SPINT1: variants seen among roughly 807,000 people sequenced by gnomAD.
SPINT1 encodes the protein kunitz-type protease inhibitor 1.
SPINT1 carries 38 observed loss-of-function variants against 53.7 expected under a neutral mutation model. The ratio of observed to expected loss-of-function variants is 0.71; its 90% CI spans 0.55 to 0.93. The LOEUF (loss-of-function observed/expected upper bound fraction) is 0.93, where lower values mean the gene tolerates loss of function less well. SPINT1 is among the 40% of genes least tolerant of loss of function. SPINT1 has a pLI of 0.00. For synonymous variants in SPINT1, 283 were observed against 280.6 expected, an observed-to-expected ratio of 1.01 and a Z score of -0.08; for missense variants, 645 against 692.9, an observed-to-expected ratio of 0.93 and a Z score of 0.78.
chr15:40,849,801 A>G (rs1891403446), intron 2 of SPINT1, among the ~76,000 whole-genome samples: 1 of 152,184 alleles, frequency 6.6e-6, no homozygotes, highest in Non-Finnish European at 1.5e-5. Flanking sequence ...GAGGGTGAGA[A>G]TGTAGGTGTA....
At position 40,844,667 on chromosome 15, in the gene SPINT1, C is replaced by A. The variant is rs755497485; in HGVS notation, c.113C>A (p.Pro38Gln). 1.2e-5 allele frequency: 19 copies of A among 1,604,804 alleles called. No homozygotes were observed. Among genetic ancestry groups the A allele is most frequent in the East Asian group, 2.2e-5 (1 of 44,502 alleles). Residue 38 changes from proline (P) to glutamine (Q), a missense_variant, in exon 2 of 11, where the codon CCG (proline) becomes CAG (glutamine). Coordinates refer to ENST00000562057, the MANE Select transcript of SPINT1 (RefSeq NM_003710.4). The surrounding 1 kb of genome is among the most constrained non-coding windows in gnomAD (Gnocchi z 5.8). ...LGLQGTQAGPPPAPPGLPAGA... is the reference protein window; with the variant it reads ...LGLQGTQAGPQPAPPGLPAGA... ...CTCCAGGGCACCCAGGCCGGGCCACCGCCCGCGCCCCCTGGGCTGCCCGCG... is the reference window on the plus strand; with the variant it reads ...CTCCAGGGCACCCAGGCCGGGCCACAGCCCGCGCCCCCTGGGCTGCCCGCG...
At chr15:40,845,377 C>A (rs573514866) in intron 2 of SPINT1, among the ~76,000 whole-genome samples, 1 of 123,790 alleles carries the variant, frequency 8.1e-6, no homozygotes, top group African/African-American at 3.1e-5. Flanking sequence ...ACTATGTTGG[C>A]CAGGCTGGTC....
chr15:40,854,307 G>A (rs969577155), intron 6 of SPINT1, 90 bp from the exon 7 acceptor site: 1 of 1,498,478 alleles, frequency 6.7e-7, no homozygotes, highest in East Asian at 2.3e-5. Context: ...AATGGGGGAT[G>A]TGCTGTGTCT....
intron 6 of SPINT1, 47 bp downstream of exon 6, chr15:40,854,133 G>A: frequency 1.3e-6 from 2 of 1,515,632 alleles, no homozygotes; most frequent in South Asian, 1.3e-5. Flanking sequence ...CACATCTCTA[G>A]CCCATATCAT....
chr15:40,845,760 G>C (rs963551262), intron 2 of SPINT1, among the ~76,000 whole-genome samples: 5 of 152,178 alleles, frequency 3.3e-5, no homozygotes, highest in Non-Finnish European at 7.4e-5. Flanking sequence ...TGAGCTGTCT[G>C]GATGGTCTGG....
chr15:40,844,543 G>A lies in SPINT1; in HGVS notation c.-12G>A, dbSNP rs1212033039. ...CCGCGCTCTGAAGGTGACCCCCCTG[G>A]GGAGGAAGGCGATGGCCCCTGCGAG... On this transcript the variant is annotated 5_prime_UTR_variant, in exon 2 of 11. Transcript: ENST00000562057. This position sits in a 1 kb window ranked among gnomAD's most constrained non-coding sequence, Gnocchi z 5.8. 6.2e-7 allele frequency: 1 copy of A among 1,610,332 alleles called. No homozygotes were observed. The highest frequency in any genetic ancestry group is 8.5e-7 in the Non-Finnish European group (1 of 1,179,062).
At chr15:40,850,910 GTCA>G (rs962821389) in intron 2 of SPINT1, among the ~76,000 whole-genome samples, 2 of 152,198 alleles carry the variant, frequency 1.3e-5, no homozygotes, top group African/African-American at 4.8e-5. Context: ...CTGGACCTCT[GTCA>G]TGTATCTAGG....
Position 40,854,535 on chromosome 15 carries a change from G to A in SPINT1, c.1066+13G>A. 1 of 1,613,740 alleles carries A rather than the reference G, an allele frequency of 6.2e-7. No individual in the cohort carries two copies. Among genetic ancestry groups the A allele is most frequent in the Non-Finnish European group, 8.5e-7 (1 of 1,179,832 alleles). Reference sequence around the variant, plus strand: ...GCCTGTGAAAAATGTGAGGCCTGGGGGATAGAGGGGGTTGGGCAGCAGACA... The same window carrying A: ...GCCTGTGAAAAATGTGAGGCCTGGGAGATAGAGGGGGTTGGGCAGCAGACA... On this transcript the variant is annotated intron_variant, in intron 7 of 10. Transcript: ENST00000562057.
chr15:40,846,765 A>G (rs566587122), intron 2 of SPINT1, among the ~76,000 whole-genome samples: 2 of 152,100 alleles, frequency 1.3e-5, no homozygotes, highest in African/African-American at 4.8e-5. Context: ...CAGGCTAAGG[A>G]GGGTCCTCTT....
In SPINT1 at chr15:40,844,781, T is replaced by A. The variant is rs1891231949; in HGVS notation, c.227T>A (p.Leu76Gln). The A allele has an allele frequency of 1.5e-5, 24 of 1,612,774 alleles. No homozygotes were observed. The highest frequency in any genetic ancestry group is 2.0e-5 in the Non-Finnish European group (24 of 1,179,404). The change falls in exon 2 of 11, where the codon CTG (leucine) becomes CAG (glutamine). Residue 76 changes from leucine (L) to glutamine (Q), a missense_variant. By Grantham distance (113) the Leu-to-Gln change is moderately radical. Coordinates refer to ENST00000562057, the MANE Select transcript of SPINT1 (RefSeq NM_003710.4). The surrounding 1 kb of genome is among the most constrained non-coding windows in gnomAD (Gnocchi z 5.8). ...TCGGTCAGCAACGGAGCTACCTTCC[T>A]GGAGTCCCCCACCGTGCGCCGGGGC... ...NASVSNGATF[L>Q]ESPTVRRGWD...
rs1891207500 is a variant in SPINT1 at position 40,844,424 on chromosome 15, G to C, written c.-65-66G>C. On this transcript the variant is annotated intron_variant, in intron 1 of 10. Transcript: ENST00000562057. The surrounding 1 kb of genome is among the most constrained non-coding windows in gnomAD (Gnocchi z 5.8). ...CCCGCCACTTCCTCCCGGCCGGCCC[G>C]CCTCCTCCAAAGTCTCCCGGGCTGA... The C allele has an allele frequency of 3.1e-6, 3 of 977,478 alleles. No homozygotes were observed. Among genetic ancestry groups the C allele is most frequent in the East Asian group, 5.0e-5 (2 of 39,862 alleles). 60.6% of individuals were successfully genotyped at this position (977,478 alleles called of 1,614,324 possible).
intron 2 of SPINT1, 50 bp downstream of exon 2, chr15:40,845,079 C>T: frequency 6.8e-7 from 1 of 1,475,644 alleles, no homozygotes; most frequent in Non-Finnish European, 9.2e-7. Context: ...AAAAAAGGGA[C>T]TGGTTATGGG....
chr15:40,854,127 T>A (rs755576190), intron 6 of SPINT1, 41 bp downstream of exon 6: 2 of 1,514,842 alleles, frequency 1.3e-6, no homozygotes, highest in Non-Finnish European at 1.8e-6. Flanking sequence ...CCCCACCACA[T>A]CTCTAGCCCA....
At chr15:40,845,766 T>C (rs1249155747) in intron 2 of SPINT1, among the ~76,000 whole-genome samples, 1 of 152,130 alleles carries the variant, frequency 6.6e-6, no homozygotes, top group Admixed American at 6.5e-5. Flanking sequence ...GTCTGGATGG[T>C]CTGGTGACTA....
intron 2 of SPINT1, among the ~76,000 whole-genome samples, chr15:40,847,537 C>T (rs1236665147): frequency 6.6e-6 from 1 of 152,204 alleles, no homozygotes; most frequent in Non-Finnish European, 1.5e-5. Flanking sequence ...CTCCCCTTCT[C>T]TTCCCCCACC....
chr15:40,845,242 T>A (rs1891255259), intron 2 of SPINT1, among the ~76,000 whole-genome samples: 1 of 151,286 alleles, frequency 6.6e-6, no homozygotes, highest in Non-Finnish European at 1.5e-5. Context: ...ACCTCCGTCT[T>A]CCACGTTCAA....
At chr15:40,855,133 C>T (rs1329729114) in intron 8 of SPINT1, among the ~76,000 whole-genome samples, 2 of 151,902 alleles carry the variant, frequency 1.3e-5, no homozygotes, top group East Asian at 1.9e-4. Flanking sequence ...ATAATCCCAG[C>T]GCTTTGAGAG....
chr15:40,844,340 G>A lies in SPINT1; in HGVS notation c.-65-150G>A. The stretch of plus-strand genomic sequence containing the variant: ...TCTGGCTGCCGGGTCCCTGGAGGGC[G>A]CGTGGGAGGGCCGGGCCCGTGCGCC... On this transcript the variant is annotated intron_variant, in intron 1 of 10. Transcript: ENST00000562057. This position sits in a 1 kb window ranked among gnomAD's most constrained non-coding sequence, Gnocchi z 5.8. 1.6e-6 allele frequency: 1 copy of A among 620,778 alleles called. No homozygotes were observed. The allele number at this position is 620,778 out of a possible 1,614,324, so 38.5% of individuals were successfully genotyped here.
chr15:40,856,959 C>T lies in SPINT1; in HGVS notation c.1526C>T (p.Thr509Ile). Residue 509 changes from threonine (T) to isoleucine (I), a missense_variant, in exon 11 of 11, where the codon ACC (threonine) becomes ATC (isoleucine). Transcript: ENST00000562057. ...ACGGAGCACCTGGTCTATAACCACA[C>T]CACGCGGCCCCTCTGAGCCTGGGTC... is the stretch of plus-strand genomic sequence containing the variant. ...EDTEHLVYNH[T>I]TRPL The T allele has an allele frequency of 6.2e-7, 1 of 1,614,006 alleles. No homozygotes were observed. The highest frequency in any genetic ancestry group is 1.1e-5 in the South Asian group (1 of 91,070).
Sources: allele counts gnomAD v4.1 joint callset (sites outside exome capture counted in the v4.1 genomes callset), GRCh38; gene constraint gnomAD v4.1.1; non-coding constraint Gnocchi (gnomAD v3.1); transcripts MANE v1.5; gene names NCBI Gene and HGNC (gene_info 2026-07-23, HGNC 2026-07-21).